The following TMEM165 variants were observed in gnomAD, a reference collection of about 807,000 sequenced individuals.
TMEM165 encodes transmembrane protein 165.
A neutral mutation model predicts 30.0 loss-of-function variants in TMEM165; 19 were observed. The observed-to-expected ratio is 0.63, with a 90% confidence interval of 0.44 to 0.93. The LOEUF is 0.93. Among genes scored for constraint, TMEM165 ranks in the 40% least tolerant of loss-of-function variants. The pLI, the probability that TMEM165 is intolerant of heterozygous loss-of-function variation, is 0.00. For missense variants in TMEM165, 340 were observed against 417.0 expected, an observed-to-expected ratio of 0.82 and a Z score of 1.61; for synonymous variants, 168 against 162.9, an observed-to-expected ratio of 1.03 and a Z score of -0.24.
At chr4:55,436,462 C>G (rs1387939495) in intron 3 of TMEM165, among the ~76,000 whole-genome samples, 1 of 152,016 alleles carries the variant, frequency 6.6e-6, no homozygotes, top group African/African-American at 2.4e-5. Context: ...CTCTCAGATA[C>G]AAAAAAATGT....
intron 1 of TMEM165, 142 bp from the exon 2 acceptor site, chr4:55,411,472 G>A: frequency 1.4e-6 from 1 of 714,944 alleles, no homozygotes; most frequent in Non-Finnish European, 2.3e-6. Context: ...CGTCGTTACT[G>A]ATGGCTTTCA....
intron 2 of TMEM165, chr4:55,412,623 A>G (rs1436516172): frequency 6.6e-6 from 1 of 152,046 alleles, no homozygotes; most frequent in Non-Finnish European, 1.5e-5. Flanking sequence ...TTTTGCTTCA[A>G]AATTTATTAC....
In TMEM165 at chr4:55,424,329, C is replaced by T. The variant is rs6828454; in HGVS notation, c.793-209C>T. The T allele has an allele frequency of 0.52, 260,175 of 502,794 alleles. 71,342 individuals carry two copies. The highest frequency in any genetic ancestry group is 0.85 in the East Asian group (25,569 of 30,148). 31.1% of individuals were successfully genotyped at this position (502,794 alleles called of 1,614,324 possible). On this transcript the variant is annotated intron_variant, in intron 4 of 5. Coordinates refer to ENST00000381334, the MANE Select transcript of TMEM165 (RefSeq NM_018475.5). ...CTTTACAAATTGATTTGGGTTATTTCAACTTTTAGGTCTAGTCTTAAGTAT... is the reference window on the plus strand; with the variant it reads ...CTTTACAAATTGATTTGGGTTATTTTAACTTTTAGGTCTAGTCTTAAGTAT...
chr4:55,452,885 TGAGACTCTAAAATATTAAATTAAAA>T (rs1724590623), exon 4 of TMEM165: 1 of 527,132 alleles, frequency 1.9e-6, no homozygotes, highest in Admixed American at 3.3e-5. Context: ...TAGAGGCAGG[TGAGACTCTAAAATATTAAATTAAAA>T]ATAAGTAGTA....
At chr4:55,424,024 CT>C (rs1722096135) in intron 4 of TMEM165, 1 of 153,480 alleles carries the variant, frequency 6.5e-6, no homozygotes, top group Non-Finnish European at 1.4e-5. Context: ...CCCTCTCCCC[CT>C]AATCTGAGTG....
chr4:55,437,170 T>C (rs1722947149), intron 3 of TMEM165, among the ~76,000 whole-genome samples: 1 of 152,236 alleles, frequency 6.6e-6, no homozygotes, highest in South Asian at 2.1e-4. Flanking sequence ...TAGCCTGTTT[T>C]AGTTTTCTAC....
chr4:55,437,155 G>A (rs571655892), intron 3 of TMEM165, among the ~76,000 whole-genome samples: 28 of 152,210 alleles, frequency 1.8e-4, no homozygotes, highest in African/African-American at 6.7e-4. Flanking sequence ...AGATATTTAG[G>A]CAACTAGCCT....
At chr4:55,403,125 G>A (rs1485811265) in intron 1 of TMEM165, 2 of 609,558 alleles carry the variant, frequency 3.3e-6, no homozygotes, top group Non-Finnish European at 5.1e-6. Flanking sequence ...TAGTGCCCAG[G>A]AGACAGTTCT....
chr4:55,421,915 G>GA (rs71194560), intron 4 of TMEM165, among the ~76,000 whole-genome samples: 1 of 150,180 alleles, frequency 6.7e-6, no homozygotes, highest in Non-Finnish European at 1.5e-5. Context: ...CCTTTAAAAA[G>GA]AAAAAAAAAA....
downstream of TMEM165, among the ~76,000 whole-genome samples, chr4:55,427,053 T>TGAGA (rs1553887609): frequency 4.9e-5 from 7 of 143,920 alleles, no homozygotes; most frequent in South Asian, 2.2e-4. Flanking sequence ...TTTTTTTTTT[T>TGAGA]GAGAGAGTCT....
chr4:55,446,482 C>T (rs1667077494), intron 3 of TMEM165, among the ~76,000 whole-genome samples: 1 of 152,122 alleles, frequency 6.6e-6, no homozygotes, highest in South Asian at 2.1e-4. Context: ...TAGAATTACC[C>T]AAAGTTGCAA....
At chr4:55,416,987 T>C (rs1310217060) in intron 2 of TMEM165, 85 bp from the exon 3 acceptor site, 13 of 1,228,770 alleles carry the variant, frequency 1.1e-5, no homozygotes, top group Non-Finnish European at 1.4e-5. Flanking sequence ...CTTTTAACAG[T>C]GATAAATTAT....
At chr4:55,448,980 A>G (rs1338132532) in intron 3 of TMEM165, 8 of 868,288 alleles carry the variant, frequency 9.2e-6, no homozygotes, top group Admixed American at 2.0e-5. Context: ...TTTGCCTCAT[A>G]CTTTTGTTAG....
downstream of TMEM165, chr4:55,429,510 A>G (rs1722377471): frequency 6.6e-6 from 1 of 152,034 alleles, no homozygotes; most frequent in Non-Finnish European, 1.5e-5. Context: ...GTAACTTGAC[A>G]CCATATTAAA....
In TMEM165 at chr4:55,436,453, T is replaced by G. The variant is rs557626119; in HGVS notation, c.408+11810T>G. On this transcript the variant is annotated intron_variant, in intron 3 of 3. Transcript: ENST00000608091. The stretch of plus-strand genomic sequence containing the variant: ...GACATGCTGTTCATTAATGTAAAAC[T>G]CTCAGATACAAAAAAATGTTAACAG... Among the ~76,000 whole-genome samples, 11 of 152,274 alleles carry G rather than the reference T, an allele frequency of 7.2e-5. No homozygotes were observed. In the South Asian group the frequency reaches 2.3e-3, roughly 32 times the overall value.
intron 1 of TMEM165, among the ~76,000 whole-genome samples, chr4:55,406,288 A>G (rs1445932425): frequency 6.6e-6 from 1 of 152,258 alleles, no homozygotes; most frequent in Non-Finnish European, 1.5e-5. Flanking sequence ...GGTACATAGC[A>G]TGTGTCTATA....
At chr4:55,420,724 T>C (rs1206307722) in intron 4 of TMEM165, among the ~76,000 whole-genome samples, 3 of 152,300 alleles carry the variant, frequency 2.0e-5, no homozygotes, top group East Asian at 3.9e-4. Flanking sequence ...GTTCAGGCCA[T>C]TTTAGTATGC....
chr4:55,449,462 A>G, intron 3 of TMEM165: 1 of 1,614,052 alleles, frequency 6.2e-7, no homozygotes, highest in Non-Finnish European at 8.5e-7. Context: ...GCCTGGGTGG[A>G]GTGCTCGTAT....
intron 1 of TMEM165, among the ~76,000 whole-genome samples, chr4:55,398,197 T>C (rs1412521361): frequency 6.6e-6 from 1 of 152,214 alleles, no homozygotes; most frequent in African/African-American, 2.4e-5. Context: ...GATGTAGTAA[T>C]CGCTATTGAG....
Sources: allele counts gnomAD v4.1 joint callset (sites outside exome capture counted in the v4.1 genomes callset), GRCh38; gene constraint gnomAD v4.1.1; transcripts MANE v1.5; gene names NCBI Gene and HGNC (gene_info 2026-07-23, HGNC 2026-07-21).